Variants in NCKAP5 observed in about 807,000 individuals in gnomAD.
NCKAP5 encodes nck-associated protein 5.
A neutral mutation model predicts 167.0 loss-of-function variants in NCKAP5; 92 were observed. The observed-to-expected ratio is 0.55, with a 90% CI of 0.47 to 0.66. The LOEUF (loss-of-function observed/expected upper bound fraction) is 0.66. NCKAP5 is among the 30% of genes least tolerant of loss of function. The probability of loss-of-function intolerance (pLI) is 0.00; values close to 1 mark genes in which losing one functional copy is unlikely to be tolerated. For missense variants in NCKAP5, 2,378 were observed against 2,315.0 expected (o/e 1.03, Z -0.56); for synonymous variants, 891 against 877.4 (o/e 1.02, Z -0.27).
chr2:133,104,561 T>C (rs2081620969), intron 6 of NCKAP5, among the ~76,000 whole-genome samples: 1 of 152,236 alleles, frequency 6.6e-6, no homozygotes, highest in South Asian at 2.1e-4. Context: ...GCCATGTTTT[T>C]CATTTATATC....
chr2:133,523,032 C>A (rs546466347), intron 2 of NCKAP5, among the ~76,000 whole-genome samples: 2 of 151,998 alleles, frequency 1.3e-5, no homozygotes, highest in African/African-American at 4.8e-5. Flanking sequence ...TTCCCCCTCA[C>A]ATACACCCAT....
chr2:133,590,320 CAAGAGATCAAGACGGCCAACACGG>C, the NCKAP5 span, among the ~76,000 whole-genome samples: 1 of 20,878 alleles, frequency 4.8e-5, no homozygotes, highest in Non-Finnish European at 7.3e-5. Context: ...GAAACCCCAT[CAAGAGATCAAGACGGCCAACACGG>C]TGAAACCCCG....
chr2:133,213,577 T>C, intron 5 of NCKAP5, 139 bp downstream of exon 5: 2 of 780,830 alleles, frequency 2.6e-6, no homozygotes, highest in Non-Finnish European at 2.1e-6. Flanking sequence ...AATTCTATTA[T>C]AAATACATCA....
the NCKAP5 span, among the ~76,000 whole-genome samples, chr2:133,643,311 G>T: frequency 6.6e-6 from 1 of 152,148 alleles, no homozygotes; most frequent in Non-Finnish European, 1.5e-5. Flanking sequence ...GTGCCATGAA[G>T]AAAGGGAAAA....
intron 5 of NCKAP5, among the ~76,000 whole-genome samples, chr2:133,163,598 G>A (rs543057659): frequency 2.2e-4 from 33 of 152,276 alleles, no homozygotes; most frequent in Admixed American, 1.8e-3. Flanking sequence ...TCAAAAATGC[G>A]TAACTTCTGC....
At chr2:132,926,131 T>A in intron 8 of NCKAP5, 1 of 346,200 alleles carries the variant, frequency 2.9e-6, no homozygotes, top group Non-Finnish European at 6.0e-6. Context: ...AGTGAGAAAT[T>A]GTGGTATTCG....
chr2:133,095,608 G>A (rs2081321677), intron 6 of NCKAP5, among the ~76,000 whole-genome samples: 1 of 152,238 alleles, frequency 6.6e-6, no homozygotes, highest in Non-Finnish European at 1.5e-5. Flanking sequence ...GAGACTCTAT[G>A]TAGAGGAGAG....
At chr2:133,006,641 CAT>C (rs1309748156) in intron 6 of NCKAP5, among the ~76,000 whole-genome samples, 5 of 150,892 alleles carry the variant, frequency 3.3e-5, no homozygotes, top group Non-Finnish European at 7.4e-5. Context: ...TTTTTTGACA[CAT>C]GTTTAGTCAT....
the NCKAP5 span, among the ~76,000 whole-genome samples, chr2:133,587,853 C>T: frequency 2.6e-3 from 394 of 152,290 alleles, 2 homozygotes; most frequent in Admixed American, 0.018. Flanking sequence ...CAGGACAGCA[C>T]GCAAATGAGT....
chr2:133,451,484 C>G (rs1043054845), intron 3 of NCKAP5, among the ~76,000 whole-genome samples: 8 of 152,306 alleles, frequency 5.3e-5, no homozygotes, highest in African/African-American at 1.9e-4. Context: ...GTTGTGAAAT[C>G]TTGTCTGTCT....
intron 6 of NCKAP5, among the ~76,000 whole-genome samples, chr2:133,033,097 T>A (rs1035009299): frequency 6.6e-6 from 1 of 152,308 alleles, no homozygotes; most frequent in South Asian, 2.1e-4. Flanking sequence ...ACAGTCTTAG[T>A]GGTGGTGGCC....
intron 4 of NCKAP5, among the ~76,000 whole-genome samples, chr2:133,249,060 C>G (rs2088157498): frequency 6.6e-6 from 1 of 152,154 alleles, no homozygotes; most frequent in African/African-American, 2.4e-5. Context: ...TTCCCTTCCC[C>G]CATCCCACTA....
At chr2:133,351,695 C>T (rs1298731018) in intron 3 of NCKAP5, among the ~76,000 whole-genome samples, 1 of 152,174 alleles carries the variant, frequency 6.6e-6, no homozygotes, top group African/African-American at 2.4e-5. Context: ...ACTTCCCCAT[C>T]CTCCTGTGCT....
At position 132,673,290 on chromosome 2, in the gene NCKAP5, C is replaced by A; in HGVS notation, c.5729G>T (p.Ter1910LeuextTer9). 2 of 1,495,614 alleles carry A rather than the reference C, an allele frequency of 1.3e-6. No individual in the cohort carries two copies. The highest frequency in any genetic ancestry group is 2.2e-5 in the Admixed American group (1 of 45,304). The allele number at this position is 1,495,614 out of a possible 1,614,324, so 92.6% of individuals were successfully genotyped here. Residue 1910 changes from the stop codon to leucine (L), a stop_lost, in exon 20 of 20, where the codon TGA becomes TTA. Coordinates refer to ENST00000409261, the MANE Select transcript of NCKAP5 (RefSeq NM_207363.3). ...KSAAPEIETT[*>L] ...TTCTCGGGATCGTCTTTTGTTTCTT[C>A]AAGTTGTCTCAATTTCTGCAATAAA...
At chr2:133,529,922 T>A (rs945517774) in intron 2 of NCKAP5, among the ~76,000 whole-genome samples, 6 of 152,184 alleles carry the variant, frequency 3.9e-5, no homozygotes, top group Admixed American at 3.9e-4. Flanking sequence ...TAACTCCTTA[T>A]TAAGAGACAT....
intron 8 of NCKAP5, among the ~76,000 whole-genome samples, chr2:132,920,729 A>AAGT (rs1695290537): frequency 1.1e-4 from 12 of 105,886 alleles, no homozygotes; most frequent in African/African-American, 5.2e-4. Flanking sequence ...GTATATATAT[A>AAGT]TATGTATATA....
intron 6 of NCKAP5, among the ~76,000 whole-genome samples, chr2:133,053,412 C>T (rs1212178041): frequency 1.3e-5 from 2 of 152,190 alleles, no homozygotes; most frequent in Non-Finnish European, 2.9e-5. Flanking sequence ...ATTCCAGGGA[C>T]GTGCTTGCTA....
chr2:133,154,469 C>T (rs1461029069), intron 5 of NCKAP5, among the ~76,000 whole-genome samples: 1 of 152,200 alleles, frequency 6.6e-6, no homozygotes, highest in East Asian at 1.9e-4. Context: ...TACAGCAACC[C>T]ATGTGAGCTG....
chr2:133,136,480 G>A (rs751347192), intron 5 of NCKAP5, among the ~76,000 whole-genome samples: 12 of 152,160 alleles, frequency 7.9e-5, no homozygotes, highest in Admixed American at 1.3e-4. Context: ...GTCCTGCCTC[G>A]TTGAGTGTCA....
Sources: gnomAD v4.1 joint callset for allele counts (sites outside exome capture counted in the v4.1 genomes callset) on GRCh38, gnomAD v4.1.1 for gene constraint, MANE v1.5 for transcripts, NCBI Gene and HGNC (gene_info 2026-07-23, HGNC 2026-07-21) for gene names.